The following CYP3A5 variants were observed in gnomAD, a reference collection of about 807,000 sequenced individuals.
CYP3A5 encodes the protein cytochrome P450 3A5.
Under a neutral mutation model 55.9 loss-of-function variants are expected in CYP3A5, and 51 were observed. The ratio of observed to expected loss-of-function variants is 0.91; its 90% CI spans 0.73 to 1.15. The LOEUF (loss-of-function observed/expected upper bound fraction) is 1.15. Ranked by LOEUF, CYP3A5 falls within the 50% of genes most tolerant of loss-of-function variation. The pLI, the probability that CYP3A5 is intolerant of heterozygous loss-of-function variation, is 0.00. For synonymous variants in CYP3A5, 196 were observed against 213.9 expected (o/e 0.92, Z 0.73); for missense variants, 533 against 596.6 (o/e 0.89, Z 1.11).
At chr7:99,671,677 A>G in intron 4 of CYP3A5, 1 of 608,900 alleles carries the variant, frequency 1.6e-6, no homozygotes, top group South Asian at 2.0e-5. Flanking sequence ...TAAGCAAAGG[A>G]TTTTCAGACT....
rs1812678060 is a variant in CYP3A5 at position 99,679,945 on chromosome 7, A to T, written c.-49T>A. ...GTTCTGTGAGTCTTCCTTTTAGCTG[A>T]GTGCTGCTGTTTGCTGGGCTGTTTG... On this transcript the variant is annotated 5_prime_UTR_variant, in exon 1 of 13. Transcript: ENST00000222982. 1.3e-6 allele frequency: 2 copies of T among 1,536,980 alleles called. No homozygotes were observed. The highest frequency in any genetic ancestry group is 2.7e-5 in the African/African-American group (2 of 73,334).
intron 4 of CYP3A5, among the ~76,000 whole-genome samples, chr7:99,668,073 G>A (rs1003686514): frequency 3.9e-5 from 6 of 152,130 alleles, no homozygotes; most frequent in Non-Finnish European, 8.8e-5. Context: ...GAACGAATAG[G>A]TAAGTTCTGC....
chr7:99,674,818 C>T (rs949403693), intron 2 of CYP3A5, among the ~76,000 whole-genome samples: 2 of 152,196 alleles, frequency 1.3e-5, no homozygotes, highest in African/African-American at 4.8e-5. Context: ...GAAGGACTCA[C>T]CCTTGTCTAT....
intron 10 of CYP3A5, among the ~76,000 whole-genome samples, chr7:99,657,377 A>G (rs1371238200): frequency 6.6e-6 from 1 of 152,114 alleles, no homozygotes; most frequent in African/African-American, 2.4e-5. Flanking sequence ...TTCAGTTTCC[A>G]TGTAGTTGAG....
At chr7:99,668,243 A>T (rs978151411) in intron 4 of CYP3A5, among the ~76,000 whole-genome samples, 1 of 152,256 alleles carries the variant, frequency 6.6e-6, no homozygotes, top group Non-Finnish European at 1.5e-5. Flanking sequence ...CAGGACCTCT[A>T]TGCTGAAAAC....
intron 10 of CYP3A5, among the ~76,000 whole-genome samples, chr7:99,657,774 G>A (rs1172610879): frequency 6.6e-6 from 1 of 152,092 alleles, no homozygotes; most frequent in Non-Finnish European, 1.5e-5. Context: ...CTCCTGTATT[G>A]GGTGCATATA....
intron 5 of CYP3A5, 37 bp from the exon 6 acceptor site, chr7:99,666,726 T>C (rs1190875849): frequency 8.7e-6 from 14 of 1,613,914 alleles, no homozygotes; most frequent in Non-Finnish European, 1.2e-5. Context: ...TAGTTAAATG[T>C]GCAGACTCAA....
chr7:99,660,331 C>T (rs1810303212), intron 10 of CYP3A5, 168 bp downstream of exon 10: 17 of 1,261,454 alleles, frequency 1.3e-5, no homozygotes, highest in Middle Eastern at 3.3e-4. Context: ...CAGTAGCAAC[C>T]GTTCTCTATG....
At chr7:99,673,031 T>C (rs1441250153) in intron 3 of CYP3A5, 2 of 313,974 alleles carry the variant, frequency 6.4e-6, no homozygotes, top group Non-Finnish European at 9.7e-6. Flanking sequence ...TAATGTTTTA[T>C]ATGTTTAAAA....
At position 99,662,949 on chromosome 7, in the gene CYP3A5, G is replaced by A. The variant is rs1044466773; in HGVS notation, c.799-67C>T. 13 of 1,602,026 alleles carry A rather than the reference G, an allele frequency of 8.1e-6. No individual in the cohort carries two copies. The highest frequency in any genetic ancestry group is 2.7e-5 in the African/African-American group (2 of 74,710). ...GTGAAGTCAGAAGTAAATCAAAAGT[G>A]CAGTCCTCAACCTCCCTTCTTGACT... On this transcript the variant is annotated intron_variant, in intron 8 of 12. Coordinates refer to ENST00000222982, the MANE Select transcript of CYP3A5 (RefSeq NM_000777.5). This position sits in a 1 kb window ranked among gnomAD's most constrained non-coding sequence, Gnocchi z 4.3.
intron 11 of CYP3A5, among the ~76,000 whole-genome samples, chr7:99,651,196 A>G (rs2151357226): frequency 6.6e-6 from 1 of 152,252 alleles, no homozygotes; most frequent in South Asian, 2.1e-4. Context: ...ATGCACGAAA[A>G]CTATTCTATA....
chr7:99,666,715 G>A, intron 5 of CYP3A5, 26 bp from the exon 6 acceptor site: 2 of 1,613,942 alleles, frequency 1.2e-6, no homozygotes, highest in Non-Finnish European at 1.7e-6. Context: ...ATCAGTACCT[G>A]TAGTTAAATG....
In CYP3A5 at chr7:99,665,137, A is replaced by G. The variant is rs767273459; in HGVS notation, c.670+29T>C. 1.3e-5 allele frequency: 20 copies of G among 1,536,366 alleles called. No individual in the cohort carries two copies. The Admixed American group carries it at 3.1e-4, about 24-fold the overall frequency. On this transcript the variant is annotated intron_variant, in intron 7 of 12. Coordinates refer to ENST00000222982, the MANE Select transcript of CYP3A5 (RefSeq NM_000777.5). ...TGTCAAGAAAGCAGTTATTTTTAAA[A>G]AGAGAGAAAGAAATAATAGCCCACA... is the stretch of plus-strand genomic sequence containing the variant.
chr7:99,676,032 C>G, intron 2 of CYP3A5, 83 bp downstream of exon 2: 1 of 1,230,044 alleles, frequency 8.1e-7, no homozygotes, highest in South Asian at 1.2e-5. Context: ...AGAACTCCCT[C>G]CCAAGGAGGG....
At position 99,664,029 on chromosome 7, in the gene CYP3A5, A is replaced by G; in HGVS notation, c.737T>C (p.Ile246Thr). The change falls in exon 8 of 13, where the codon ATA (isoleucine) becomes ACA (threonine). Residue 246 changes from isoleucine to threonine, a missense_variant. Transcript: ENST00000222982. ...LNVSLFPKDT[I>T]NFLSKSVNRM... is the part of the protein sequence containing the mutation. Reference sequence around the variant, plus strand: ...GTTTACAGATTTACTTAAAAAATTTATGGTATCTTTTGGAAACAGAGAGAC... The same window carrying G: ...GTTTACAGATTTACTTAAAAAATTTGTGGTATCTTTTGGAAACAGAGAGAC... The G allele has an allele frequency of 6.2e-7, 1 of 1,602,102 alleles. No homozygotes were observed. The highest frequency in any genetic ancestry group is 1.1e-5 in the South Asian group (1 of 87,402).
Position 99,662,932 on chromosome 7 carries a change from A to C in CYP3A5, c.799-50T>G, listed in dbSNP as rs771024087. The C allele has an allele frequency of 6.2e-7, 1 of 1,609,646 alleles. No individual in the cohort carries two copies. The highest frequency in any genetic ancestry group is 1.1e-5 in the South Asian group (1 of 90,808). On this transcript the variant is annotated intron_variant, in intron 8 of 12. Transcript: ENST00000222982. This position sits in a 1 kb window ranked among gnomAD's most constrained non-coding sequence, Gnocchi z 4.3. The stretch of plus-strand genomic sequence containing the variant: ...TTGGCAGAAAGTGACTCGTGAAGTC[A>C]GAAGTAAATCAAAAGTGCAGTCCTC...
rs1219987229 is a variant in CYP3A5 at position 99,663,195 on chromosome 7, A to G, written c.799-313T>C. 3 of 1,108,496 alleles carry G rather than the reference A, an allele frequency of 2.7e-6. No individual in the cohort carries two copies. In the African/African-American group the frequency reaches 4.9e-5, roughly 18 times the overall value. The allele number at this position is 1,108,496 out of a possible 1,614,324, so 68.7% of individuals were successfully genotyped here. On this transcript the variant is annotated intron_variant, in intron 8 of 12. Coordinates refer to ENST00000222982, the MANE Select transcript of CYP3A5 (RefSeq NM_000777.5). ...AGAGTTGCCGGTTCCATCTCTGGTC[A>G]TAACTGCTTACCCAGGAAGAAGTAC...
At chr7:99,674,453 C>T in intron 3 of CYP3A5, 80 bp downstream of exon 3, 1 of 1,110,300 alleles carries the variant, frequency 9.0e-7, no homozygotes, top group East Asian at 2.4e-5. Context: ...CCCATGAAGA[C>T]CTGGGCAGAG....
At chr7:99,668,000 C>G (rs1811206980) in intron 4 of CYP3A5, among the ~76,000 whole-genome samples, 1 of 152,116 alleles carries the variant, frequency 6.6e-6, no homozygotes, top group Non-Finnish European at 1.5e-5. Context: ...AGAATTGTCT[C>G]TATTTTCAGG....
Sources: allele counts gnomAD v4.1 joint callset (sites outside exome capture counted in the v4.1 genomes callset), GRCh38; gene constraint gnomAD v4.1.1; non-coding constraint Gnocchi (gnomAD v3.1); transcripts MANE v1.5; gene names NCBI Gene and HGNC (gene_info 2026-07-23, HGNC 2026-07-21).